Variants in DYSF observed in about 807,000 individuals in gnomAD.
DYSF encodes dysferlin, also known as dystrophy-associated fer-1-like 1.
A neutral mutation model predicts 274.9 loss-of-function variants in DYSF; 212 were observed. The observed-to-expected ratio is 0.77, with a 90% CI of 0.69 to 0.86. DYSF has a LOEUF of 0.86. Ranked by LOEUF, DYSF falls within the 40% of genes least tolerant of loss-of-function variation. DYSF has a pLI of 0.00. For missense variants in DYSF, 2,666 were observed against 2,783.2 expected, an observed-to-expected ratio of 0.96 and a Z score of 0.95; for synonymous variants, 1,091 against 1,078.7, an observed-to-expected ratio of 1.01 and a Z score of -0.22.
chr2:71,660,952 AC>A (rs1262041890), intron 45 of DYSF, among the ~76,000 whole-genome samples: 3 of 151,958 alleles, frequency 2.0e-5, no homozygotes, highest in African/African-American at 7.3e-5. Context: ...CCCCATCTCT[AC>A]AAAAAATAAA....
chr2:71,602,375 C>T (rs756681875), intron 35 of DYSF, among the ~76,000 whole-genome samples: 1 of 152,206 alleles, frequency 6.6e-6, no homozygotes, highest in Non-Finnish European at 1.5e-5. Context: ...AGCTCCTGCT[C>T]TCAGTGCTGC....
chr2:71,474,977 C>G (rs2082295295), intron 1 of DYSF, among the ~76,000 whole-genome samples: 1 of 152,144 alleles, frequency 6.6e-6, no homozygotes, highest in South Asian at 2.1e-4. Context: ...TCTCAGGCCC[C>G]CTCAGAACCC....
chr2:71,481,306 T>A (rs1377345706), intron 2 of DYSF, among the ~76,000 whole-genome samples: 1 of 152,250 alleles, frequency 6.6e-6, no homozygotes, highest in Admixed American at 6.5e-5. Context: ...AGGCAGGTCC[T>A]CCTCTGGCTC....
At chr2:71,530,314 T>C (rs2088532107) in intron 14 of DYSF, among the ~76,000 whole-genome samples, 1 of 152,206 alleles carries the variant, frequency 6.6e-6, no homozygotes, top group Non-Finnish European at 1.5e-5. Flanking sequence ...ATTCCCAACA[T>C]GGAAGGTATT....
intron 17 of DYSF, among the ~76,000 whole-genome samples, chr2:71,547,856 G>C (rs1421410502): frequency 1.3e-5 from 2 of 152,088 alleles, no homozygotes; most frequent in Admixed American, 1.3e-4. Context: ...AGCCGACTTT[G>C]CCTCTGTAAG....
intron 45 of DYSF, among the ~76,000 whole-genome samples, chr2:71,661,397 G>T (rs2094879469): frequency 6.6e-6 from 1 of 152,008 alleles, no homozygotes; most frequent in South Asian, 2.1e-4. Flanking sequence ...AACCAAACTA[G>T]ACTTTTTTTT....
At chr2:71,561,996 C>T (rs1203767070) in intron 23 of DYSF, 52 bp downstream of exon 23, 1 of 1,583,808 alleles carries the variant, frequency 6.3e-7, no homozygotes, top group Non-Finnish European at 8.6e-7. Flanking sequence ...CTGCCTGGAA[C>T]ATCAGAACTG....
At position 71,620,007 on chromosome 2, in the gene DYSF, A is replaced by G. The variant is rs547155659; in HGVS notation, c.4465-540A>G. The stretch of plus-strand genomic sequence containing the variant: ...GTGGAGGTGGGACTATAAGACTCCT[A>G]AAGTCCCCACTGATGTCAGGTTTTG... On this transcript the variant is annotated intron_variant, in intron 40 of 55. Transcript: ENST00000410020. Among the ~76,000 whole-genome samples the G allele has an allele frequency of 2.5e-4, 38 of 152,258 alleles. 1 individual carries two copies. Among genetic ancestry groups the G allele is most frequent in the African/African-American group, 7.2e-4 (30 of 41,556 alleles).
At chr2:71,547,477 A>C (rs935847165) in intron 17 of DYSF, among the ~76,000 whole-genome samples, 4 of 152,126 alleles carry the variant, frequency 2.6e-5, no homozygotes, top group African/African-American at 9.7e-5. Context: ...GTGAAACCCC[A>C]TCTCCACTAA....
chr2:71,530,770 T>C (rs920140936), intron 14 of DYSF, among the ~76,000 whole-genome samples: 15 of 152,178 alleles, frequency 9.9e-5, no homozygotes, highest in South Asian at 4.1e-4. Flanking sequence ...GCTGCTCTTA[T>C]GGCGTGTCTC....
chr2:71,549,804 T>C (rs1037252466), intron 17 of DYSF, among the ~76,000 whole-genome samples: 25 of 152,204 alleles, frequency 1.6e-4, no homozygotes, highest in African/African-American at 5.5e-4. Flanking sequence ...TAAATCATAA[T>C]TGAGATGATT....
intron 12 of DYSF, 124 bp from the exon 13 acceptor site, chr2:71,526,096 G>C: frequency 3.2e-6 from 5 of 1,554,464 alleles, no homozygotes; most frequent in East Asian, 2.3e-5. Flanking sequence ...AGTAAGTGTC[G>C]GAGCGCAGTC....
intron 52 of DYSF, among the ~76,000 whole-genome samples, chr2:71,678,532 G>A (rs1281468257): frequency 6.6e-6 from 1 of 152,162 alleles, no homozygotes; most frequent in Non-Finnish European, 1.5e-5. Flanking sequence ...GCGAAGGGGA[G>A]GGAGGAATGG....
intron 1 of DYSF, among the ~76,000 whole-genome samples, chr2:71,474,974 C>A (rs1398881262): frequency 6.6e-6 from 1 of 152,134 alleles, no homozygotes; most frequent in African/African-American, 2.4e-5. Context: ...GCATCTCAGG[C>A]CCCCTCAGAA....
chr2:71,627,800 T>C (rs1269874091), intron 41 of DYSF, among the ~76,000 whole-genome samples: 1 of 152,162 alleles, frequency 6.6e-6, no homozygotes, highest in Non-Finnish European at 1.5e-5. Flanking sequence ...AATTGAATCT[T>C]TTAACAATAT....
chr2:71,679,063 T>C lies in DYSF; in HGVS notation c.5891T>C (p.Leu1964Pro). ...KFSFDDFLGS[L>P]QLDLNRMPKP... Reference sequence around the variant, plus strand: ...AACTACCTCTCTGTTGCAGGCTCCCTGCAGCTCGATCTCAACCGCATGCCC... The same window carrying C: ...AACTACCTCTCTGTTGCAGGCTCCCCGCAGCTCGATCTCAACCGCATGCCC... Residue 1964 changes from leucine to proline, a missense_variant, in exon 53 of 56, where the codon CTG (leucine) becomes CCG (proline). Leu to Pro is a moderately conservative substitution (Grantham distance 98). Transcript: ENST00000410020. 1 of 1,613,968 alleles carries C rather than the reference T, an allele frequency of 6.2e-7. No homozygotes were observed. The highest frequency in any genetic ancestry group is 1.3e-5 in the African/African-American group (1 of 75,038).
intron 3 of DYSF, among the ~76,000 whole-genome samples, chr2:71,491,737 A>C (rs1157638791): frequency 6.6e-6 from 1 of 152,228 alleles, no homozygotes; most frequent in African/African-American, 2.4e-5. Flanking sequence ...TGCAAAGGAC[A>C]TGATCTCATT....
intron 4 of DYSF, among the ~76,000 whole-genome samples, chr2:71,506,910 C>A (rs1332293910): frequency 1.3e-5 from 2 of 152,172 alleles, no homozygotes; most frequent in East Asian, 3.9e-4. Context: ...AGAAGACAGA[C>A]CTGTGCTGGA....
intron 40 of DYSF, among the ~76,000 whole-genome samples, chr2:71,613,837 C>A (rs760253979): frequency 1.3e-4 from 20 of 152,160 alleles, no homozygotes; most frequent in Non-Finnish European, 2.4e-4. Flanking sequence ...GTTCTGTGGG[C>A]TTGTGCTTGG....
Sources: gnomAD v4.1 joint callset for allele counts (sites outside exome capture counted in the v4.1 genomes callset) on GRCh38, gnomAD v4.1.1 for gene constraint, MANE v1.5 for transcripts, NCBI Gene and HGNC (gene_info 2026-07-23, HGNC 2026-07-21) for gene names.